The following NLGN4X variants were observed in gnomAD, a reference collection of about 807,000 sequenced individuals.
NLGN4X encodes the protein neuroligin 4 X-linked, also known as neuroligin-4, X-linked.
In NLGN4X, 3 loss-of-function variants were observed where a neutral mutation model predicts 40.3. That is an observed-to-expected ratio of 0.07 (90% CI 0.03 to 0.19). The LOEUF (loss-of-function observed/expected upper bound fraction) is 0.19, where lower values mean the gene tolerates loss of function less well. NLGN4X is among the 10% of genes least tolerant of loss of function. The pLI is 1.00. For missense variants in NLGN4X, 382 were observed against 708.3 expected (o/e 0.54, Z 5.23); for synonymous variants, 270 against 306.8 (o/e 0.88, Z 1.25).
At chrX:5,968,832 C>A (rs1271118344) in intron 3 of NLGN4X, among the ~76,000 whole-genome samples, 1 of 109,115 alleles carries the variant, frequency 9.2e-6, no homozygotes, top group African/African-American at 3.3e-5. Context: ...ATGTCTCCCC[C>A]ACCTATTTCT....
intron 3 of NLGN4X, among the ~76,000 whole-genome samples, chrX:5,951,420 A>C (rs1196977086): frequency 1.8e-5 from 2 of 111,678 alleles, no homozygotes; most frequent in Non-Finnish European, 3.8e-5. Context: ...ACCTGGAGGA[A>C]GTAAGCCTTC....
chrX:6,152,971 T>C (rs1051381630), intron 1 of NLGN4X, among the ~76,000 whole-genome samples: 2 of 112,504 alleles, frequency 1.8e-5, no homozygotes, highest in African/African-American at 6.4e-5. Context: ...CATAAGTCGC[T>C]GCTCCTGTGA....
At chrX:6,224,335 T>C (rs1251301740) in intron 1 of NLGN4X, among the ~76,000 whole-genome samples, 2 of 112,095 alleles carry the variant, frequency 1.8e-5, no homozygotes, top group East Asian at 5.6e-4. Context: ...AACCTTTTGG[T>C]TGTGGTCTAG....
At chrX:6,157,121 T>TAA (rs397943012) in intron 1 of NLGN4X, among the ~76,000 whole-genome samples, 24 of 101,158 alleles carry the variant, frequency 2.4e-4, no homozygotes, top group East Asian at 6.3e-4. Flanking sequence ...CCCCATCTCT[T>TAA]AAAAAAAAAA....
chrX:6,121,918 G>A lies in NLGN4X; in HGVS notation c.472+29077C>T, dbSNP rs749740243. Among the ~76,000 whole-genome samples, 4 of 112,576 alleles carry A rather than the reference G, an allele frequency of 3.6e-5. No individual in the cohort carries two copies. The South Asian group carries it at 1.5e-3, about 41-fold the overall frequency. On this transcript the variant is annotated intron_variant, in intron 2 of 5. Coordinates refer to ENST00000381095, the MANE Select transcript of NLGN4X (RefSeq NM_181332.3). ...CATCTTCGTTATTCCGAATGAAGAA[G>A]GTCACAGTGCAAAGCTAGGAAAGCC...
At chrX:6,082,154 C>A (rs750650635) in intron 2 of NLGN4X, among the ~76,000 whole-genome samples, 1 of 112,026 alleles carries the variant, frequency 8.9e-6, no homozygotes, top group South Asian at 3.7e-4. Context: ...TGTATTTTGG[C>A]AAACTATCAT....
chrX:5,943,724 T>C (rs764660978), intron 3 of NLGN4X, among the ~76,000 whole-genome samples: 1 of 112,751 alleles, frequency 8.9e-6, no homozygotes, highest in East Asian at 2.8e-4. Flanking sequence ...TATGTCACTG[T>C]GCCCTCCTAC....
At chrX:6,139,566 T>C (rs2039896368) in intron 2 of NLGN4X, among the ~76,000 whole-genome samples, 2 of 111,915 alleles carry the variant, frequency 1.8e-5, no homozygotes, top group African/African-American at 6.5e-5. Context: ...TGCACAAACA[T>C]GTGTTTACGC....
chrX:6,102,090 G>A (rs1286706403), intron 2 of NLGN4X, among the ~76,000 whole-genome samples: 1 of 111,422 alleles, frequency 9.0e-6, no homozygotes, highest in Non-Finnish European at 1.9e-5. Flanking sequence ...GATTACAGGC[G>A]TGAGCCACCG....
Position 5,893,416 on chromosome X carries a change from T to C in NLGN4X, c.1852A>G (p.Met618Val), listed in dbSNP as rs2031310849. 2.5e-6 allele frequency: 3 copies of C among 1,210,388 alleles called. No individual in the cohort carries two copies. The South Asian group carries it at 5.3e-5, about 21-fold the overall frequency. The change falls in exon 6 of 6, where the codon ATG becomes GTG. Residue 618 changes from methionine to valine, a missense_variant. By Grantham distance (21) the Met-to-Val change is conservative. This residue lies in a region of NLGN4X where 149 missense variants were observed against 375.8 expected (regional missense o/e 0.40). Coordinates refer to ENST00000381095, the MANE Select transcript of NLGN4X (RefSeq NM_181332.3). ...CGGGTGCCATAGGGAAATGATGTCA[T>C]GTCTGGTGGAGGAACCTTTGTGGTT... ...STTTKVPPPDMTSFPYGTRRS... is the reference protein window; with the variant it reads ...STTTKVPPPDVTSFPYGTRRS...
chrX:6,049,829 A>G (rs1427455718), intron 2 of NLGN4X, among the ~76,000 whole-genome samples: 1 of 111,131 alleles, frequency 9.0e-6, no homozygotes, highest in African/African-American at 3.3e-5. Context: ...CTCTGGATAG[A>G]ATGCAGGGTA....
intron 1 of NLGN4X, among the ~76,000 whole-genome samples, chrX:6,206,162 A>G (rs1924018037): frequency 9.0e-6 from 1 of 111,345 alleles, no homozygotes; most frequent in Non-Finnish European, 1.9e-5. Flanking sequence ...AGTGACATGG[A>G]GCAGTGGAGT....
At chrX:5,959,105 C>A (rs1381157960) in intron 3 of NLGN4X, among the ~76,000 whole-genome samples, 4 of 112,052 alleles carry the variant, frequency 3.6e-5, no homozygotes, top group Non-Finnish European at 7.5e-5. Flanking sequence ...GAAAACAGTT[C>A]ATATGTCTCC....
intron 2 of NLGN4X, among the ~76,000 whole-genome samples, chrX:6,039,020 T>C (rs1333210718): frequency 9.0e-6 from 1 of 111,375 alleles, no homozygotes; most frequent in Non-Finnish European, 1.9e-5. Context: ...ATTGTTGAAT[T>C]ACAGGGTGTA....
intron 2 of NLGN4X, among the ~76,000 whole-genome samples, chrX:6,123,288 G>A (rs1021804059): frequency 9.0e-6 from 1 of 111,696 alleles, no homozygotes; most frequent in Non-Finnish European, 1.9e-5. Context: ...GCAAAGCAAC[G>A]TAGGATACAA....
intron 3 of NLGN4X, among the ~76,000 whole-genome samples, chrX:5,997,980 G>A (rs1213733468): frequency 9.0e-6 from 1 of 111,550 alleles, no homozygotes; most frequent in Non-Finnish European, 1.9e-5. Context: ...AACATAAAGT[G>A]GAGGAGATGC....
intron 2 of NLGN4X, among the ~76,000 whole-genome samples, chrX:6,060,412 C>A (rs774536506): frequency 9.0e-6 from 1 of 111,473 alleles, no homozygotes; most frequent in Non-Finnish European, 1.9e-5. Flanking sequence ...GTGAAATCCA[C>A]CTCCCCACCC....
At chrX:6,203,512 T>G (rs1166539979) in intron 1 of NLGN4X, among the ~76,000 whole-genome samples, 1 of 112,425 alleles carries the variant, frequency 8.9e-6, no homozygotes, top group African/African-American at 3.2e-5. Context: ...AGTGACAAGG[T>G]GTCACCTCCA....
At chrX:6,116,391 CTTTTTTTTTTTTTTTTTTTTTTTTTT>C (rs1157468420) in intron 2 of NLGN4X, among the ~76,000 whole-genome samples, 11 of 22,290 alleles carry the variant, frequency 4.9e-4, no homozygotes, top group East Asian at 3.0e-3. Context: ...ACCTTTCTTT[CTTTTTTTTTTTTTTTTTTTTTTTTTT>C]TTTTTTTTTT....
Sources: allele counts gnomAD v4.1 joint callset (sites outside exome capture counted in the v4.1 genomes callset), GRCh38; gene constraint gnomAD v4.1.1; regional missense constraint gnomAD v4.1.1; transcripts MANE v1.5; gene names NCBI Gene and HGNC (gene_info 2026-07-23, HGNC 2026-07-21).